The following LIMS1 variants were observed in gnomAD, a reference collection of about 807,000 sequenced individuals.
LIMS1 encodes the protein LIM and senescent cell antigen-like-containing domain protein 1.
A neutral mutation model predicts 44.1 loss-of-function variants in LIMS1; 18 were observed. The ratio of observed to expected loss-of-function variants is 0.41; its 90% CI spans 0.28 to 0.61. The LOEUF (loss-of-function observed/expected upper bound fraction) is 0.61. Among genes scored for constraint, LIMS1 ranks in the 20% least tolerant of loss-of-function variants. The probability of loss-of-function intolerance (pLI) is 0.32; values close to 1 mark genes in which losing one functional copy is unlikely to be tolerated. For missense variants in LIMS1, 201 were observed against 422.0 expected, an observed-to-expected ratio of 0.48 and a Z score of 4.59; for synonymous variants, 93 against 149.1, an observed-to-expected ratio of 0.62 and a Z score of 2.74.
intron 1 of LIMS1, among the ~76,000 whole-genome samples, chr2:108,588,889 G>T (rs1167146033): frequency 6.6e-6 from 1 of 152,174 alleles, no homozygotes; most frequent in African/African-American, 2.4e-5. Context: ...GGTGGGTGTG[G>T]AAGGGAAACT....
intron 1 of LIMS1, among the ~76,000 whole-genome samples, chr2:108,627,999 G>A (rs550411239): frequency 1.4e-4 from 21 of 152,288 alleles, no homozygotes; most frequent in East Asian, 5.8e-4. Context: ...AGAAACCAGC[G>A]TGTCAGCAGG....
At chr2:108,600,620 A>G (rs989497953) in intron 1 of LIMS1, among the ~76,000 whole-genome samples, 1 of 152,174 alleles carries the variant, frequency 6.6e-6, no homozygotes, top group African/African-American at 2.4e-5. Flanking sequence ...CATTTGTTGA[A>G]GAGACTGTCT....
At chr2:108,648,348 C>T (rs1033745361) in intron 1 of LIMS1, among the ~76,000 whole-genome samples, 2 of 152,176 alleles carry the variant, frequency 1.3e-5, no homozygotes, top group African/African-American at 4.8e-5. Flanking sequence ...ATTCCATGCT[C>T]ATGGATAGGA....
intron 1 of LIMS1, among the ~76,000 whole-genome samples, chr2:108,553,320 A>G (rs983843539): frequency 3.3e-5 from 5 of 152,200 alleles, no homozygotes; most frequent in African/African-American, 1.2e-4. Flanking sequence ...GGTCCTTTTT[A>G]AAATCATTGC....
At chr2:108,676,413 T>C (rs1257376236) in intron 6 of LIMS1, among the ~76,000 whole-genome samples, 193 bp from the exon 7 acceptor site, 1 of 152,208 alleles carries the variant, frequency 6.6e-6, no homozygotes, top group Non-Finnish European at 1.5e-5. Flanking sequence ...GGCTATGTCT[T>C]AAAGTAACCT....
chr2:108,683,867 A>ATAAT lies in LIMS1; in HGVS notation c.900-16_900-13dup. Reference sequence around the variant, plus strand: ...TGTTTCCACTAACTTCTTTTTTTTTATAATTTTTTGTCTTTAGGAATAAGT... The same window carrying ATAAT: ...TGTTTCCACTAACTTCTTTTTTTTTATAATTAATTTTTTGTCTTTAGGAATAAGT... On this transcript the variant is annotated splice_polypyrimidine_tract_variant and intron_variant, in intron 9 of 9. Coordinates refer to ENST00000544547, the Ensembl canonical transcript of LIMS1. 2 of 1,328,162 alleles carry ATAAT rather than the reference A, an allele frequency of 1.5e-6. No homozygotes were observed. The highest frequency in any genetic ancestry group is 2.1e-6 in the Non-Finnish European group (2 of 955,414). 82.3% of individuals were successfully genotyped at this position (1,328,162 alleles called of 1,614,324 possible).
intron 1 of LIMS1, among the ~76,000 whole-genome samples, chr2:108,608,280 C>T (rs191088918): frequency 8.0e-4 from 122 of 151,708 alleles, no homozygotes; most frequent in African/African-American, 2.8e-3. Flanking sequence ...CTGTTTGTGT[C>T]ACTGTGCAAG....
At chr2:108,645,528 A>G (rs62149924) in intron 1 of LIMS1, among the ~76,000 whole-genome samples, 62,567 of 152,012 alleles carry the variant, frequency 0.41, 14,834 homozygotes, top group East Asian at 0.94. Flanking sequence ...GGTACGAGCC[A>G]CTGCAAAAAC....
exon 10 of LIMS1, chr2:108,684,054 C>T (rs1180330780): frequency 5.8e-6 from 5 of 863,734 alleles, no homozygotes; most frequent in Admixed American, 2.3e-5. Context: ...CATTACTTGT[C>T]TTGATCTACC....
Position 108,554,094 on chromosome 2 carries a change from C to T in LIMS1, c.32+19500C>T, listed in dbSNP as rs535910941. On this transcript the variant is annotated intron_variant, in intron 1 of 9. Transcript: ENST00000544547. ...TGGAATTTCCGATCCTATGCATTTC[C>T]TGTAGCATTACATTTTCTCTGGGAA... Among the ~76,000 whole-genome samples, 117 of 152,274 alleles carry T rather than the reference C, an allele frequency of 7.7e-4. 1 individual carries two copies. Among genetic ancestry groups the T allele is most frequent in the African/African-American group, 2.6e-3 (110 of 41,574 alleles).
chr2:108,669,225 T>C (rs1162093076), intron 2 of LIMS1, among the ~76,000 whole-genome samples: 1 of 152,038 alleles, frequency 6.6e-6, no homozygotes, highest in African/African-American at 2.4e-5. Context: ...CTGGCCAACA[T>C]GGTGAAACCC....
At chr2:108,634,561 G>A (rs545792662) in intron 1 of LIMS1, among the ~76,000 whole-genome samples, 7 of 152,340 alleles carry the variant, frequency 4.6e-5, no homozygotes, top group African/African-American at 1.4e-4. Flanking sequence ...TCCTGAAGCT[G>A]TGCCTTCTGA....
chr2:108,642,032 A>G (rs1325830588), intron 1 of LIMS1, among the ~76,000 whole-genome samples: 1 of 152,204 alleles, frequency 6.6e-6, no homozygotes, highest in Admixed American at 6.5e-5. Context: ...TGATAATTTC[A>G]CCAGGCCACC....
intron 1 of LIMS1, chr2:108,588,411 C>T: frequency 1.0e-6 from 1 of 985,350 alleles, no homozygotes; most frequent in Non-Finnish European, 1.2e-6. Flanking sequence ...AAACTGGCCT[C>T]CCAAGCCCTG....
chr2:108,625,379 A>G (rs780069985), intron 1 of LIMS1, among the ~76,000 whole-genome samples: 3 of 152,132 alleles, frequency 2.0e-5, no homozygotes, highest in Non-Finnish European at 2.9e-5. Context: ...ACAAAGACAA[A>G]AATTATTTAC....
chr2:108,556,181 AGT>A (rs1185303513), intron 1 of LIMS1, among the ~76,000 whole-genome samples: 2 of 152,184 alleles, frequency 1.3e-5, no homozygotes, highest in Non-Finnish European at 2.9e-5. Context: ...ACGTCATATA[AGT>A]AGAATCATAT....
intron 1 of LIMS1, among the ~76,000 whole-genome samples, chr2:108,600,633 T>C (rs1470222265): frequency 1.3e-5 from 2 of 152,228 alleles, no homozygotes; most frequent in African/African-American, 4.8e-5. Context: ...GACTGTCTTT[T>C]CCTCAGTGTA....
At chr2:108,660,766 T>A in intron 2 of LIMS1, 1 of 183,694 alleles carries the variant, frequency 5.4e-6, no homozygotes, top group East Asian at 1.6e-4. Context: ...TTTTGGGGGA[T>A]AATCTAGAAA....
At chr2:108,625,587 CA>C (rs752301229) in intron 1 of LIMS1, among the ~76,000 whole-genome samples, 3 of 151,056 alleles carry the variant, frequency 2.0e-5, no homozygotes, top group Admixed American at 2.0e-4. Flanking sequence ...TCCCCCCCCC[CA>C]AAAAAATGCA....
Sources: gnomAD v4.1 joint callset for allele counts (sites outside exome capture counted in the v4.1 genomes callset) on GRCh38, gnomAD v4.1.1 for gene constraint, MANE v1.5 for transcripts, NCBI Gene and HGNC (gene_info 2026-07-23, HGNC 2026-07-21) for gene names.